The following PLCB4 variants were observed in gnomAD, a reference collection of about 807,000 sequenced individuals.
PLCB4 encodes phospholipase C beta 4.
In PLCB4, 77 loss-of-function variants were observed where a neutral mutation model predicts 178.8. The ratio of observed to expected loss-of-function variants is 0.43; its 90% CI spans 0.36 to 0.52. PLCB4 has a LOEUF of 0.52. Among genes scored for constraint, PLCB4 ranks in the 20% least tolerant of loss-of-function variants. The probability of loss-of-function intolerance (pLI) is 0.00; values close to 1 mark genes in which losing one functional copy is unlikely to be tolerated. For synonymous variants in PLCB4, 496 were observed against 490.8 expected, an observed-to-expected ratio of 1.01 and a Z score of -0.14; for missense variants, 1,024 against 1,453.4, an observed-to-expected ratio of 0.70 and a Z score of 4.80.
chr20:9,113,971 T>C (rs2146707008), intron 2 of PLCB4, among the ~76,000 whole-genome samples: 1 of 152,180 alleles, frequency 6.6e-6, no homozygotes, highest in South Asian at 2.1e-4. Flanking sequence ...CCCAGCACTT[T>C]GGGAGGCTGA....
intron 4 of PLCB4, among the ~76,000 whole-genome samples, chr20:9,312,857 ACT>A (rs2094852687): frequency 6.6e-6 from 1 of 152,104 alleles, no homozygotes; most frequent in African/African-American, 2.4e-5. Flanking sequence ...AGGCAATAAA[ACT>A]CTAACCTATT....
intron 7 of PLCB4, among the ~76,000 whole-genome samples, chr20:9,358,813 C>T (rs1034813671): frequency 3.2e-4 from 49 of 152,074 alleles, no homozygotes; most frequent in African/African-American, 9.7e-4. Flanking sequence ...GAAGGAGAAT[C>T]GCTTGAACCT....
At chr20:9,467,794 A>G (rs1333361568) in intron 35 of PLCB4, among the ~76,000 whole-genome samples, 2 of 152,206 alleles carry the variant, frequency 1.3e-5, no homozygotes, top group African/African-American at 4.8e-5. Flanking sequence ...AGCAGTGCCT[A>G]GGTAACCTGA....
In PLCB4 at chr20:9,480,146, C is replaced by T. The variant is rs1345984542; in HGVS notation, c.*1137C>T. The T allele has an allele frequency of 6.6e-6, 1 of 152,390 alleles. No homozygotes were observed. Among genetic ancestry groups the T allele is most frequent in the African/African-American group, 2.4e-5 (1 of 41,366 alleles). 9.4% of individuals were successfully genotyped at this position (152,390 alleles called of 1,614,324 possible). On this transcript the variant is annotated 3_prime_UTR_variant, in exon 40 of 40. Coordinates refer to ENST00000378473, the MANE Select transcript of PLCB4 (RefSeq NM_001377142.1). ...TCAGAATTTCATATCAGGAAATGAC[C>T]TTTTTATGTCTGTTAAATATCAAAA...
intron 2 of PLCB4, among the ~76,000 whole-genome samples, chr20:9,153,215 G>A (rs1216498287): frequency 6.6e-6 from 1 of 152,102 alleles, no homozygotes; most frequent in Non-Finnish European, 1.5e-5. Context: ...AGACTTTGGG[G>A]GGCTGTTGGG....
At chr20:9,171,101 G>A (rs1292929371) in intron 2 of PLCB4, among the ~76,000 whole-genome samples, 1 of 152,106 alleles carries the variant, frequency 6.6e-6, no homozygotes, top group Non-Finnish European at 1.5e-5. Flanking sequence ...AGCTCCTTAA[G>A]CTCTTATTCA....
chr20:9,200,479 C>T (rs2093529612), intron 2 of PLCB4, among the ~76,000 whole-genome samples: 1 of 152,200 alleles, frequency 6.6e-6, no homozygotes, highest in Non-Finnish European at 1.5e-5. Flanking sequence ...CTCCAAAAGA[C>T]AAAGTGTTCC....
intron 20 of PLCB4, among the ~76,000 whole-genome samples, chr20:9,403,215 C>T (rs549289292): frequency 1.3e-5 from 2 of 152,082 alleles, no homozygotes; most frequent in East Asian, 3.9e-4. Context: ...ATATAGAAGA[C>T]AGGTTGAGCT....
At chr20:9,296,959 GTAAC>G (rs2147801183) in intron 3 of PLCB4, among the ~76,000 whole-genome samples, 1 of 152,208 alleles carries the variant, frequency 6.6e-6, no homozygotes, top group South Asian at 2.1e-4. Context: ...GTATACATAT[GTAAC>G]TAACCTGCAC....
chr20:9,473,254 ATTTTTTTT>A lies in PLCB4; in HGVS notation c.3409-12_3409-5del. ...GATTGTAACCCAAAGTTCAATCAGA[ATTTTTTTT>A]TTTTTTTTTTTTGCAGCTTGCCATG... On this transcript the variant is annotated splice_polypyrimidine_tract_variant and intron_variant, in intron 37 of 39. Transcript: ENST00000378473. 4.2e-6 allele frequency: 5 copies of A among 1,196,142 alleles called. No homozygotes were observed. The highest frequency in any genetic ancestry group is 4.5e-6 in the Non-Finnish European group (4 of 886,066). 74.1% of individuals were successfully genotyped at this position (1,196,142 alleles called of 1,614,324 possible).
intron 3 of PLCB4, among the ~76,000 whole-genome samples, chr20:9,231,520 G>A (rs570892918): frequency 6.6e-6 from 1 of 152,188 alleles, no homozygotes; most frequent in African/African-American, 2.4e-5. Context: ...CATCTAATTA[G>A]TTCAGGTGTT....
intron 3 of PLCB4, among the ~76,000 whole-genome samples, chr20:9,299,421 A>G (rs1388571604): frequency 6.6e-6 from 1 of 152,052 alleles, no homozygotes; most frequent in East Asian, 1.9e-4. Context: ...TTGTTTTGGT[A>G]TATGTCTTGC....
chr20:9,204,447 C>T (rs1490161052), intron 2 of PLCB4, among the ~76,000 whole-genome samples: 2 of 151,862 alleles, frequency 1.3e-5, no homozygotes, highest in South Asian at 2.1e-4. Flanking sequence ...CAAACCTCTG[C>T]CTCCTGGGTT....
chr20:9,245,879 G>C (rs926753568), intron 3 of PLCB4, among the ~76,000 whole-genome samples: 1 of 151,868 alleles, frequency 6.6e-6, no homozygotes, highest in African/African-American at 2.4e-5. Flanking sequence ...TGATCCATCC[G>C]CCTCAGCCTC....
At chr20:9,223,922 A>G (rs531024821) in intron 3 of PLCB4, among the ~76,000 whole-genome samples, 1 of 152,324 alleles carries the variant, frequency 6.6e-6, no homozygotes, top group African/African-American at 2.4e-5. Flanking sequence ...GATAAGCTAG[A>G]CAAAAGGATG....
intron 15 of PLCB4, among the ~76,000 whole-genome samples, chr20:9,389,122 A>T (rs988754911): frequency 6.6e-6 from 1 of 152,182 alleles, no homozygotes; most frequent in African/African-American, 2.4e-5. Context: ...TTCTTTCTAA[A>T]GCTAAGCAGA....
At chr20:9,401,641 A>G (rs1167070889) in intron 20 of PLCB4, 51 bp downstream of exon 20, 7 of 1,306,394 alleles carry the variant, frequency 5.4e-6, no homozygotes, top group Middle Eastern at 1.8e-4. Context: ...GCTGTTATTT[A>G]TGAAATTTTG....
At chr20:9,262,642 A>G (rs1286801579) in intron 3 of PLCB4, among the ~76,000 whole-genome samples, 2 of 152,164 alleles carry the variant, frequency 1.3e-5, no homozygotes, top group Non-Finnish European at 2.9e-5. Context: ...AGAAGGTTAC[A>G]TGGTTTTTCA....
intron 3 of PLCB4, among the ~76,000 whole-genome samples, chr20:9,251,974 T>G (rs1320098852): frequency 6.6e-6 from 1 of 152,182 alleles, no homozygotes. Context: ...CTTCAAAGTC[T>G]TTGAAATTAA....
Sources: allele counts gnomAD v4.1 joint callset (sites outside exome capture counted in the v4.1 genomes callset), GRCh38; gene constraint gnomAD v4.1.1; transcripts MANE v1.5; gene names NCBI Gene and HGNC (gene_info 2026-07-23, HGNC 2026-07-21).